Variants in TAX1BP1 observed in about 807,000 individuals in gnomAD.
TAX1BP1 encodes Tax1 binding protein 1.
In TAX1BP1, 62 loss-of-function variants were observed where a neutral mutation model predicts 97.7. The ratio of observed to expected loss-of-function variants is 0.63; its 90% CI spans 0.52 to 0.78. The LOEUF (loss-of-function observed/expected upper bound fraction) is 0.78, where lower values mean the gene tolerates loss of function less well. Among genes scored for constraint, TAX1BP1 ranks in the 30% least tolerant of loss-of-function variants. The pLI is 0.00. For synonymous variants in TAX1BP1, 340 were observed against 304.2 expected (o/e 1.12, Z -1.23); for missense variants, 867 against 916.1 (o/e 0.95, Z 0.69).
At chr7:27,806,226 C>T (rs1435966175) in intron 13 of TAX1BP1, among the ~76,000 whole-genome samples, 4 of 152,024 alleles carry the variant, frequency 2.6e-5, no homozygotes, top group Non-Finnish European at 4.4e-5. Context: ...GCTGGGATTA[C>T]AGGCTCCCGC....
Position 27,748,510 on chromosome 7 carries a change from T to A in TAX1BP1, c.-7-8T>A. On this transcript the variant is annotated splice_region_variant and splice_polypyrimidine_tract_variant and intron_variant, in intron 1 of 16. Transcript: ENST00000396319. ...TATAATTTAACTTGTATGAATTACT[T>A]GTTTCAGATTCACAATGACATCCTT... The A allele has an allele frequency of 6.4e-7, 1 of 1,568,068 alleles. No individual in the cohort carries two copies. The highest frequency in any genetic ancestry group is 1.2e-5 in the South Asian group (1 of 82,424).
At chr7:27,770,429 G>T (rs1788800417) in intron 5 of TAX1BP1, among the ~76,000 whole-genome samples, 1 of 152,042 alleles carries the variant, frequency 6.6e-6, no homozygotes, top group Non-Finnish European at 1.5e-5. Flanking sequence ...CAGTTATCTA[G>T]TCATTGACTT....
Position 27,746,032 on chromosome 7 carries a change from T to G in TAX1BP1, c.-7-2486T>G, listed in dbSNP as rs952767497. Reference sequence around the variant, plus strand: ...GTTGGATTGTGGGTTTTTAAAAAACTGTTATAATTGAGGTTAACAGAAGTT... The same window carrying G: ...GTTGGATTGTGGGTTTTTAAAAAACGGTTATAATTGAGGTTAACAGAAGTT... On this transcript the variant is annotated intron_variant, in intron 1 of 16. Coordinates refer to ENST00000396319, the MANE Select transcript of TAX1BP1 (RefSeq NM_006024.7). Among the ~76,000 whole-genome samples, 34 of 152,092 alleles carry G rather than the reference T, an allele frequency of 2.2e-4. 1 individual carries two copies. Among genetic ancestry groups the G allele is most frequent in the South Asian group, 6.2e-4 (3 of 4,834 alleles).
chr7:27,816,563 A>AT (rs750914374), intron 14 of TAX1BP1, 43 bp downstream of exon 14: 11 of 1,463,136 alleles, frequency 7.5e-6, no homozygotes, highest in Middle Eastern at 1.8e-4. Context: ...GCATCTGGAG[A>AT]TTTTTTTATG....
intron 4 of TAX1BP1, among the ~76,000 whole-genome samples, 175 bp downstream of exon 4, chr7:27,766,196 A>G (rs534620594): frequency 6.6e-6 from 1 of 152,232 alleles, no homozygotes; most frequent in African/African-American, 2.4e-5. Flanking sequence ...CGAGGCAGGC[A>G]GATCACGATG....
At position 27,771,070 on chromosome 7, in the gene TAX1BP1, C is replaced by G. The variant is rs184586896; in HGVS notation, c.612+1236C>G. ...TATAGTAAAATCTCATAATATGTGC[C>G]CTCGATGACTATTAGGACATTCAGC... On this transcript the variant is annotated intron_variant, in intron 5 of 16. Coordinates refer to ENST00000396319, the MANE Select transcript of TAX1BP1 (RefSeq NM_006024.7). 4.4e-3 allele frequency among the ~76,000 whole-genome samples: 627 copies of G among 141,254 alleles called. 2 individuals are homozygous for G. The highest frequency in any genetic ancestry group is 0.016 in the African/African-American group (601 of 38,426). The allele number at this position is 141,254 out of a possible 152,430, so 92.7% of individuals were successfully genotyped here. A position where few individuals can be genotyped will look rare whatever the true frequency, so the allele number is the denominator to read the frequency against.
intron 13 of TAX1BP1, among the ~76,000 whole-genome samples, chr7:27,808,260 G>A (rs1459107021): frequency 6.6e-6 from 1 of 152,126 alleles, no homozygotes; most frequent in African/African-American, 2.4e-5. Flanking sequence ...AAAACTATGA[G>A]TAAATACTTA....
intron 5 of TAX1BP1, among the ~76,000 whole-genome samples, chr7:27,780,685 C>T (rs1053176549): frequency 6.6e-6 from 1 of 152,040 alleles, no homozygotes; most frequent in Non-Finnish European, 1.5e-5. Context: ...AGAAAAGATA[C>T]AAAAGGCTTA....
chr7:27,777,406 CCTT>C (rs1389107347), intron 5 of TAX1BP1, among the ~76,000 whole-genome samples: 2 of 152,054 alleles, frequency 1.3e-5, no homozygotes, highest in Admixed American at 1.3e-4. Flanking sequence ...GAGGAAAGAC[CCTT>C]CTTTCAATTA....
chr7:27,828,534 C>T (rs1278881386), intron 16 of TAX1BP1, 94 bp from the exon 17 acceptor site: 2 of 1,184,922 alleles, frequency 1.7e-6, no homozygotes, highest in Admixed American at 2.1e-5. Flanking sequence ...GTATGAATAT[C>T]AGCTAACTAG....
chr7:27,762,626 G>A (rs1289430477), intron 3 of TAX1BP1, among the ~76,000 whole-genome samples: 5 of 152,122 alleles, frequency 3.3e-5, no homozygotes, highest in African/African-American at 9.7e-5. Context: ...GTAGAGAAAA[G>A]CATCCAGTTT....
intron 13 of TAX1BP1, among the ~76,000 whole-genome samples, chr7:27,813,393 CA>C (rs1790637101): frequency 6.7e-6 from 1 of 149,978 alleles, no homozygotes; most frequent in Admixed American, 6.7e-5. Flanking sequence ...CTTACTCTGT[CA>C]CCCAGGCTGG....
At chr7:27,795,648 G>A (rs1156963110) in intron 11 of TAX1BP1, among the ~76,000 whole-genome samples, 2 of 152,140 alleles carry the variant, frequency 1.3e-5, no homozygotes, top group Non-Finnish European at 2.9e-5. Context: ...TGCCTTCTGG[G>A]TTCAAGCAAT....
chr7:27,775,703 C>G (rs1242321168), intron 5 of TAX1BP1, among the ~76,000 whole-genome samples: 1 of 152,124 alleles, frequency 6.6e-6, no homozygotes, highest in Non-Finnish European at 1.5e-5. Context: ...AATTGCCCTA[C>G]CTTCTGTGGA....
rs753374195 is a variant in TAX1BP1 at position 27,828,879 on chromosome 7, A to C, written c.*50A>C. The stretch of plus-strand genomic sequence containing the variant: ...AGTTTAGCAGTAAAAAAAAAAAAAA[A>C]AACCACACCTAAAATAGACCACTGA... On this transcript the variant is annotated 3_prime_UTR_variant, in exon 17 of 17. Coordinates refer to ENST00000396319, the MANE Select transcript of TAX1BP1 (RefSeq NM_006024.7). 1.0e-5 allele frequency: 15 copies of C among 1,466,756 alleles called. No individual in the cohort carries two copies. In the Admixed American group the frequency reaches 1.1e-4, roughly 10 times the overall value. The allele number at this position is 1,466,756 out of a possible 1,614,324, so 90.9% of individuals were successfully genotyped here. A position where few individuals can be genotyped will look rare whatever the true frequency, so the allele number is the denominator to read the frequency against.
At chr7:27,749,680 A>G (rs1787952993) in intron 2 of TAX1BP1, among the ~76,000 whole-genome samples, 1 of 152,242 alleles carries the variant, frequency 6.6e-6, no homozygotes, top group South Asian at 2.1e-4. Flanking sequence ...TCTGAATACA[A>G]CACAATAGTT....
At chr7:27,740,372 G>T (rs1388359063) in intron 1 of TAX1BP1, 103 bp downstream of exon 1, 3 of 152,416 alleles carry the variant, frequency 2.0e-5, no homozygotes, top group Non-Finnish European at 2.9e-5. Flanking sequence ...GTACTGTAGG[G>T]GCCTGGCCGG....
rs534136335 is a variant in TAX1BP1, at chr7:27,783,007, T to A, written c.613-2156T>A. 3.9e-5 allele frequency among the ~76,000 whole-genome samples: 6 copies of A among 152,318 alleles called. No homozygotes were observed. In the East Asian group the frequency reaches 9.6e-4, roughly 24 times the overall value. ...TCGGGTTATTCATAAGTGAGAGTTA[T>A]GACTTGTGGGAATTGGTAATAGTGG... On this transcript the variant is annotated intron_variant, in intron 5 of 16. Coordinates refer to ENST00000396319, the MANE Select transcript of TAX1BP1 (RefSeq NM_006024.7).
chr7:27,804,231 G>T (rs527642949), intron 13 of TAX1BP1, among the ~76,000 whole-genome samples: 2 of 152,302 alleles, frequency 1.3e-5, no homozygotes, highest in African/African-American at 2.4e-5. Flanking sequence ...CAAATGACCA[G>T]CGATGTTACA....
Sources: allele counts gnomAD v4.1 joint callset (sites outside exome capture counted in the v4.1 genomes callset), GRCh38; gene constraint gnomAD v4.1.1; transcripts MANE v1.5; gene names NCBI Gene and HGNC (gene_info 2026-07-23, HGNC 2026-07-21).